Variants in ITGAV observed in about 807,000 individuals in gnomAD.
The protein encoded by ITGAV is integrin alpha-V.
In ITGAV, 76 loss-of-function variants were observed where a neutral mutation model predicts 143.8. That is an observed-to-expected ratio of 0.53 (90% CI 0.44 to 0.64). ITGAV has a LOEUF of 0.64. Ranked by LOEUF, ITGAV falls within the 30% of genes least tolerant of loss-of-function variation. The probability of loss-of-function intolerance (pLI) is 0.00; values close to 1 mark genes in which losing one functional copy is unlikely to be tolerated. For missense variants in ITGAV, 1,193 were observed against 1,274.7 expected (o/e 0.94, Z 0.98); for synonymous variants, 453 against 446.7 (o/e 1.01, Z -0.18).
intron 15 of ITGAV, among the ~76,000 whole-genome samples, chr2:186,653,275 A>G (rs1162834754): frequency 6.6e-6 from 1 of 152,142 alleles, no homozygotes; most frequent in African/African-American, 2.4e-5. Context: ...AGCAAAATGT[A>G]GAAACCAGTA....
intron 5 of ITGAV, among the ~76,000 whole-genome samples, chr2:186,632,915 A>G (rs528992235): frequency 4.3e-4 from 65 of 152,218 alleles, no homozygotes; most frequent in African/African-American, 1.4e-3. Flanking sequence ...TAGAAAAGAT[A>G]CAGTGAAAAC....
At chr2:186,657,030 C>T (rs536405553) in intron 17 of ITGAV, among the ~76,000 whole-genome samples, 41 of 149,668 alleles carry the variant, frequency 2.7e-4, no homozygotes, top group Admixed American at 2.1e-3. Flanking sequence ...ACACAGAAGC[C>T]ACTAGAAGAA....
At chr2:186,650,870 T>C (rs1057140594) in intron 14 of ITGAV, among the ~76,000 whole-genome samples, 1 of 152,168 alleles carries the variant, frequency 6.6e-6, no homozygotes, top group Non-Finnish European at 1.5e-5. Flanking sequence ...TTTTAAATTA[T>C]GTTCAGAGGT....
chr2:186,660,856 T>C (rs951579696), intron 18 of ITGAV, among the ~76,000 whole-genome samples: 9 of 152,192 alleles, frequency 5.9e-5, no homozygotes, highest in African/African-American at 2.2e-4. Context: ...TCTTGGCTTG[T>C]AGACAGTCAC....
chr2:186,611,084 G>A (rs556899446), intron 2 of ITGAV, among the ~76,000 whole-genome samples: 56 of 152,172 alleles, frequency 3.7e-4, no homozygotes, highest in African/African-American at 1.3e-3. Context: ...GGCATTCTTT[G>A]TCTTGTGGTT....
intron 1 of ITGAV, among the ~76,000 whole-genome samples, chr2:186,599,815 C>T (rs923380781): frequency 6.6e-6 from 1 of 152,196 alleles, no homozygotes; most frequent in Admixed American, 6.5e-5. Flanking sequence ...ATCTAGGTGG[C>T]ATTCTTGAAT....
chr2:186,636,000 C>T, intron 6 of ITGAV, 82 bp from the exon 7 acceptor site: 1 of 1,177,886 alleles, frequency 8.5e-7, no homozygotes. Flanking sequence ...TATTGTTTTC[C>T]TTCATGCAGG....
At chr2:186,675,783 A>C in intron 27 of ITGAV, 37 bp from the exon 28 acceptor site, 1 of 1,545,336 alleles carries the variant, frequency 6.5e-7, no homozygotes, top group Non-Finnish European at 8.9e-7. Flanking sequence ...AAAAGGCCTG[A>C]TATCTGGGAA....
intron 1 of ITGAV, among the ~76,000 whole-genome samples, chr2:186,591,188 C>G (rs559907922): frequency 1.3e-5 from 2 of 152,282 alleles, no homozygotes; most frequent in African/African-American, 2.4e-5. Context: ...GGTCATTGTT[C>G]AGAAGGAACA....
Position 186,590,166 on chromosome 2 carries a change from G to T in ITGAV, c.-173G>T, listed in dbSNP as rs1289965701. 2 of 478,368 alleles carry T rather than the reference G, an allele frequency of 4.2e-6. No homozygotes were observed. The highest frequency in any genetic ancestry group is 6.9e-6 in the Non-Finnish European group (2 of 291,798). The allele number at this position is 478,368 out of a possible 1,614,324, so 29.6% of individuals were successfully genotyped here. On this transcript the variant is annotated 5_prime_UTR_variant, in exon 1 of 30. Transcript: ENST00000261023. ...TCTGCGCCCCTCGTCCCTGGCGGTC[G>T]CTCCGAAGCTCAGCCCTCTTGCCTG...
At chr2:186,637,752 A>G (rs1252805479) in intron 8 of ITGAV, among the ~76,000 whole-genome samples, 1 of 152,070 alleles carries the variant, frequency 6.6e-6, no homozygotes, top group African/African-American at 2.4e-5. Context: ...TTCCTCTGGG[A>G]GGAAGAATTA....
chr2:186,597,223 T>C (rs1363127514), intron 1 of ITGAV, among the ~76,000 whole-genome samples: 1 of 152,224 alleles, frequency 6.6e-6, no homozygotes, highest in Admixed American at 6.5e-5. Flanking sequence ...TTTTTCTCTG[T>C]CTTTGTTGAA....
intron 13 of ITGAV, among the ~76,000 whole-genome samples, chr2:186,647,516 G>A (rs550850565): frequency 3.9e-5 from 6 of 152,188 alleles, no homozygotes; most frequent in African/African-American, 9.6e-5. Context: ...GAATACAGGC[G>A]TGAGCCACCG....
At chr2:186,620,664 GA>G (rs1454954853) in intron 2 of ITGAV, among the ~76,000 whole-genome samples, 3 of 152,202 alleles carry the variant, frequency 2.0e-5, no homozygotes, top group Admixed American at 6.5e-5. Context: ...TGTGGCGGCT[GA>G]AGTGGGAGGA....
intron 4 of ITGAV, among the ~76,000 whole-genome samples, chr2:186,629,709 A>ACTTATCTGTCCTTATG (rs1687767065): frequency 6.6e-6 from 1 of 152,098 alleles, no homozygotes; most frequent in African/African-American, 2.4e-5. Flanking sequence ...TGTGACTGAA[A>ACTTATCTGTCCTTATG]ACAGATATTT....
At position 186,675,891 on chromosome 2, in the gene ITGAV, G is replaced by C. The variant is rs1689195015; in HGVS notation, c.2892G>C (p.Lys964Asn). Residue 964 changes from lysine to asparagine, a missense_variant, in exon 28 of 30, where the codon AAG becomes AAC. Coordinates refer to ENST00000261023, the MANE Select transcript of ITGAV (RefSeq NM_002210.5). Reference protein sequence around the residue: ...ASFNVIEFPYKNLPIEDITNS... With the variant: ...ASFNVIEFPYNNLPIEDITNS... ...TTAATGTCATAGAGTTTCCTTATAA[G>C]AATCTTCCAATTGAGGATATCACCA... 4 of 1,606,458 alleles carry C rather than the reference G, an allele frequency of 2.5e-6. No homozygotes were observed. In the East Asian group the frequency reaches 8.9e-5, roughly 36 times the overall value.
At position 186,625,442 on chromosome 2, in the gene ITGAV, T is replaced by C. The variant is rs575418883; in HGVS notation, c.409-31T>C. The C allele has an allele frequency of 3.5e-6, 5 of 1,447,234 alleles. No homozygotes were observed. In the Admixed American group the frequency reaches 8.6e-5, roughly 25 times the overall value. 89.6% of individuals were successfully genotyped at this position (1,447,234 alleles called of 1,614,324 possible). A position where few individuals can be genotyped will look rare whatever the true frequency, so the allele number is the denominator to read the frequency against. ...TGAAACACTAAATTTTTAGAAAATC[T>C]TCGTGTCGTGGACTAAACCTTTGAT... On this transcript the variant is annotated intron_variant, in intron 3 of 29. Coordinates refer to ENST00000261023, the MANE Select transcript of ITGAV (RefSeq NM_002210.5).
Position 186,590,407 on chromosome 2 carries a change from C to G in ITGAV, c.69C>G (p.Leu23=). The G allele has an allele frequency of 6.2e-7, 1 of 1,611,908 alleles. No individual in the cohort carries two copies. Among genetic ancestry groups the G allele is most frequent in the Non-Finnish European group, 8.5e-7 (1 of 1,179,392 alleles). ...GCCTCCCGCTTCTTCTCTCGGGACT[C>G]CTGCTACCTCTGTGCCGCGCCTTCA... ...PRGLPLLLSG[L]LLPLCRAFNL... The change falls in exon 1 of 30, where the codon CTC becomes CTG. Residue 23 remains leucine (L), a synonymous_variant. Coordinates refer to ENST00000261023, the MANE Select transcript of ITGAV (RefSeq NM_002210.5).
chr2:186,664,552 C>T lies in ITGAV; in HGVS notation c.1984C>T (p.Gln662Ter), dbSNP rs762023736. ...CCCTCTGACATTGATTGTTAAGGCT[C>T]AGAATCAAGGAGAAGGTGCCTACGA... Reference protein sequence around the residue: ...DNPLTLIVKAQNQGEGAYEAE... With the variant: ...DNPLTLIVKA The change falls in exon 20 of 30, where the codon CAG becomes TAG. Residue 662 changes from glutamine to a stop codon, truncating the protein, a stop_gained. Transcript: ENST00000261023. LOFTEE classifies it high-confidence loss of function. The T allele has an allele frequency of 6.2e-7, 1 of 1,613,840 alleles. No individual in the cohort carries two copies.
Sources: allele counts gnomAD v4.1 joint callset (sites outside exome capture counted in the v4.1 genomes callset), GRCh38; gene constraint gnomAD v4.1.1; transcripts MANE v1.5; gene names NCBI Gene and HGNC (gene_info 2026-07-23, HGNC 2026-07-21).